The following CDH12 variants were observed in gnomAD, a reference collection of about 807,000 sequenced individuals.
CDH12 encodes the protein cadherin 12, also known as cadherin-12.
In CDH12, 41 loss-of-function variants were observed where a neutral mutation model predicts 74.1. That is an observed-to-expected ratio of 0.55 (90% CI 0.43 to 0.72). CDH12 has a LOEUF of 0.72. CDH12 is among the 30% of genes least tolerant of loss of function. The pLI is 0.00. For synonymous variants in CDH12, 399 were observed against 355.0 expected, an observed-to-expected ratio of 1.12 and a Z score of -1.39; for missense variants, 945 against 977.2, an observed-to-expected ratio of 0.97 and a Z score of 0.44.
At chr5:22,648,653 A>G in intron 1 of CDH12, among the ~76,000 whole-genome samples, 1 of 151,890 alleles carries the variant, frequency 6.6e-6, no homozygotes. Context: ...GTACAGATAT[A>G]TGATTTGGAT....
At position 21,830,134 on chromosome 5, in the gene CDH12, G is replaced by C. The variant is rs548552499; in HGVS notation, c.814+12027C>G. On this transcript the variant is annotated intron_variant, in intron 8 of 14. Coordinates refer to ENST00000382254, the MANE Select transcript of CDH12 (RefSeq NM_004061.5). ...GAATCACTTAAACCCAGGAGGTGGAGGTTGCAGTGAGTCAAGATCCCACCA... is the reference window on the plus strand; with the variant it reads ...GAATCACTTAAACCCAGGAGGTGGACGTTGCAGTGAGTCAAGATCCCACCA... Among the ~76,000 whole-genome samples the C allele has an allele frequency of 6.2e-3, 889 of 143,476 alleles. 9 individuals are homozygous for C. Among genetic ancestry groups the C allele is most frequent in the African/African-American group, 0.021 (825 of 38,446 alleles). The allele number at this position is 143,476 out of a possible 152,430, so 94.1% of individuals were successfully genotyped here.
At chr5:22,153,975 C>A (rs1467059593) in intron 4 of CDH12, among the ~76,000 whole-genome samples, 1 of 145,864 alleles carries the variant, frequency 6.9e-6, no homozygotes, top group African/African-American at 2.5e-5. Context: ...TACACACATA[C>A]ATGCACAGAT....
intron 4 of CDH12, among the ~76,000 whole-genome samples, chr5:22,099,928 C>T (rs867513107): frequency 7.9e-5 from 12 of 152,124 alleles, no homozygotes; most frequent in Non-Finnish European, 1.6e-4. Flanking sequence ...AATATTTCTT[C>T]TAACAGTCCC....
chr5:21,751,735 C>T lies in CDH12; in HGVS notation c.*2G>A. 2 of 1,607,246 alleles carry T rather than the reference C, an allele frequency of 1.2e-6. No individual in the cohort carries two copies. Among genetic ancestry groups the T allele is most frequent in the African/African-American group, 2.7e-5 (2 of 74,524 alleles). ...GGTTGTATTTTAGCCTCCACGACTC[C>T]CTTAAGTGACTTTATCAGGGTTATA... On this transcript the variant is annotated 3_prime_UTR_variant, in exon 15 of 15. Coordinates refer to ENST00000382254, the MANE Select transcript of CDH12 (RefSeq NM_004061.5).
chr5:22,221,325 G>A (rs1324752586), intron 3 of CDH12, among the ~76,000 whole-genome samples: 4 of 151,838 alleles, frequency 2.6e-5, no homozygotes, highest in Admixed American at 6.6e-5. Context: ...AATGTGGTTC[G>A]TCTGTATTCT....
chr5:22,826,410 GATAA>G (rs932983283), intron 1 of CDH12, among the ~76,000 whole-genome samples: 32 of 152,124 alleles, frequency 2.1e-4, no homozygotes, highest in African/African-American at 7.5e-4. Flanking sequence ...CATGAAAATA[GATAA>G]ATACAGTAAA....
At chr5:22,198,612 A>G (rs1750755660) in intron 4 of CDH12, among the ~76,000 whole-genome samples, 1 of 152,152 alleles carries the variant, frequency 6.6e-6, no homozygotes, top group African/African-American at 2.4e-5. Context: ...AGGACCTATG[A>G]AAACTCTACT....
At position 22,696,951 on chromosome 5, in the gene CDH12, GA is replaced by G. The variant is rs546877552; in HGVS notation, c.-523+156106del. Among the ~76,000 whole-genome samples the G allele has an allele frequency of 7.8e-4, 112 of 143,570 alleles. 1 individual carries two copies. The highest frequency in any genetic ancestry group is 5.1e-3 in the South Asian group (23 of 4,524). The allele number at this position is 143,570 out of a possible 152,430, so 94.2% of individuals were successfully genotyped here. A position where few individuals can be genotyped will look rare whatever the true frequency, so the allele number is the denominator to read the frequency against. On this transcript the variant is annotated intron_variant, in intron 1 of 14. Coordinates refer to ENST00000382254, the MANE Select transcript of CDH12 (RefSeq NM_004061.5). ...CTGAAACCAAGTATGTAATGTTCAA[GA>G]AAAAAAAAAAATCTTAAAAAGAACT...
intron 1 of CDH12, among the ~76,000 whole-genome samples, chr5:22,559,006 TTAAG>T (rs757542333): frequency 6.6e-6 from 1 of 152,122 alleles, no homozygotes; most frequent in African/African-American, 2.4e-5. Context: ...TTGTCACTGC[TTAAG>T]TAAGTGACTT....
chr5:21,867,014 C>T (rs1245171621), intron 6 of CDH12, among the ~76,000 whole-genome samples: 1 of 152,134 alleles, frequency 6.6e-6, no homozygotes, highest in African/African-American at 2.4e-5. Context: ...GCCTCAAGCC[C>T]TGGCAGCATT....
rs187172787 is a variant in CDH12, at chr5:22,302,557, A to T, written c.-332-89914T>A. 3.8e-3 allele frequency among the ~76,000 whole-genome samples: 584 copies of T among 152,258 alleles called. 1 individual carries two copies. Among genetic ancestry groups the T allele is most frequent in the Non-Finnish European group, 5.9e-3 (403 of 68,008 alleles). On this transcript the variant is annotated intron_variant, in intron 3 of 14. Coordinates refer to ENST00000382254, the MANE Select transcript of CDH12 (RefSeq NM_004061.5). ...TCAATAAAGCATCTTCAAAGTAGGG[A>T]ATGCAATTCTCAATTTTGGATCATC...
At chr5:21,915,508 T>G (rs889332251) in intron 6 of CDH12, among the ~76,000 whole-genome samples, 2 of 152,178 alleles carry the variant, frequency 1.3e-5, no homozygotes, top group Non-Finnish European at 2.9e-5. Context: ...GTACATTCAT[T>G]TCTGATAAGA....
intron 5 of CDH12, among the ~76,000 whole-genome samples, chr5:21,985,069 T>C (rs562807217): frequency 3.2e-4 from 49 of 152,268 alleles, no homozygotes; most frequent in Middle Eastern, 3.4e-3. Flanking sequence ...CTTTCTTTGT[T>C]TTCTGAACAC....
chr5:22,747,326 T>C (rs1745340872), intron 1 of CDH12, among the ~76,000 whole-genome samples: 1 of 151,946 alleles, frequency 6.6e-6, no homozygotes, highest in Non-Finnish European at 1.5e-5. Context: ...TGTTTCCCCA[T>C]TTATAAACAG....
chr5:22,724,707 T>C (rs555401288), intron 1 of CDH12, among the ~76,000 whole-genome samples: 2 of 152,052 alleles, frequency 1.3e-5, no homozygotes, highest in South Asian at 4.1e-4. Flanking sequence ...TGTGCATGTG[T>C]TAAAGATATT....
At chr5:21,776,137 A>T (rs1460809039) in intron 11 of CDH12, among the ~76,000 whole-genome samples, 1 of 152,192 alleles carries the variant, frequency 6.6e-6, no homozygotes, top group Non-Finnish European at 1.5e-5. Context: ...GCCAGCTGCC[A>T]TGTTACAAAC....
intron 11 of CDH12, among the ~76,000 whole-genome samples, chr5:21,775,338 A>G (rs907689507): frequency 1.3e-5 from 2 of 152,218 alleles, no homozygotes; most frequent in African/African-American, 4.8e-5. Flanking sequence ...AGGCCTAGGA[A>G]CAGATAGGAA....
chr5:21,825,997 C>T (rs1310519559), intron 8 of CDH12, among the ~76,000 whole-genome samples: 1 of 152,138 alleles, frequency 6.6e-6, no homozygotes, highest in Non-Finnish European at 1.5e-5. Flanking sequence ...TTTAGTTGTT[C>T]TGAGTTTAGA....
intron 8 of CDH12, among the ~76,000 whole-genome samples, chr5:21,819,216 A>G (rs1748226941): frequency 1.3e-5 from 2 of 152,090 alleles, no homozygotes; most frequent in Middle Eastern, 3.4e-3. Flanking sequence ...TAGATCATAA[A>G]TATTTCTTAA....
Sources: allele counts gnomAD v4.1 joint callset (sites outside exome capture counted in the v4.1 genomes callset), GRCh38; gene constraint gnomAD v4.1.1; transcripts MANE v1.5; gene names NCBI Gene and HGNC (gene_info 2026-07-23, HGNC 2026-07-21).